The following BSN variants were observed in gnomAD, a reference collection of about 807,000 sequenced individuals.
BSN encodes the protein protein bassoon.
Under a neutral mutation model 264.8 loss-of-function variants are expected in BSN, and 57 were observed. The observed-to-expected ratio is 0.22, with a 90% CI of 0.17 to 0.27. The LOEUF (loss-of-function observed/expected upper bound fraction) is 0.27. Among genes scored for constraint, BSN ranks in the 10% least tolerant of loss-of-function variants. The pLI, the probability that BSN is intolerant of heterozygous loss-of-function variation, is 1.00. For synonymous variants in BSN, 2,059 were observed against 2,137.3 expected, an observed-to-expected ratio of 0.96 and a Z score of 1.01; for missense variants, 4,615 against 5,232.5, an observed-to-expected ratio of 0.88 and a Z score of 3.64.
intron 11 of BSN, among the ~76,000 whole-genome samples, chr3:49,665,824 G>A (rs2052709276): frequency 6.6e-6 from 1 of 152,262 alleles, no homozygotes; most frequent in African/African-American, 2.4e-5. Flanking sequence ...GAGGCAGACA[G>A]GAAGGGACAT....
intron 1 of BSN, among the ~76,000 whole-genome samples, chr3:49,605,416 T>A (rs1405873165): frequency 2.9e-5 from 1 of 34,476 alleles, no homozygotes; most frequent in Non-Finnish European, 4.8e-5. Context: ...AATTTATATT[T>A]TATATTTATA....
chr3:49,617,170 T>C (rs982221866), intron 1 of BSN, among the ~76,000 whole-genome samples: 2 of 152,028 alleles, frequency 1.3e-5, no homozygotes, highest in South Asian at 4.1e-4. Flanking sequence ...AAAACCTAGA[T>C]GACGGGTTAA....
chr3:49,649,994 G>C (rs1001857180), intron 3 of BSN, among the ~76,000 whole-genome samples: 1 of 152,216 alleles, frequency 6.6e-6, no homozygotes, highest in Admixed American at 6.5e-5. Context: ...ACTTGGGCTG[G>C]GGATTTGAGC....
Position 49,652,964 on chromosome 3 carries a change from T to A in BSN, c.3408T>A (p.Ala1136=). 6.2e-7 allele frequency: 1 copy of A among 1,612,432 alleles called. No homozygotes were observed. Among genetic ancestry groups the A allele is most frequent in the Non-Finnish European group, 8.5e-7 (1 of 1,179,278 alleles). Reference sequence around the variant, plus strand: ...CCTCACCCTCCCTTGACTCTGAGGCTGAGGCCTTGGATGGTGGCCCTAGCC... The same window carrying A: ...CCTCACCCTCCCTTGACTCTGAGGCAGAGGCCTTGGATGGTGGCCCTAGCC... The part of the protein sequence containing the change: ...YSPSPSLDSE[A]EALDGGPSRL... The change falls in exon 5 of 12, where the codon GCT becomes GCA. Residue 1136 remains alanine (A), a synonymous_variant. Transcript: ENST00000296452.
At position 49,634,049 on chromosome 3, in the gene BSN, CA is replaced by C. The variant is rs541708708; in HGVS notation, c.634-8210del. On this transcript the variant is annotated intron_variant, in intron 2 of 11. Transcript: ENST00000296452. Reference sequence around the variant, plus strand: ...GTGAAACCCCATCTCTACTAAAATACAAAAAAAAATTAGCGGGGTGTGTTGG... The same window carrying C: ...GTGAAACCCCATCTCTACTAAAATACAAAAAAAATTAGCGGGGTGTGTTGG... Among the ~76,000 whole-genome samples the C allele has an allele frequency of 2.9e-3, 439 of 151,024 alleles. 1 individual carries two copies. Among genetic ancestry groups the C allele is most frequent in the African/African-American group, 0.01 (417 of 41,252 alleles).
At chr3:49,556,456 G>A (rs1339378166) in intron 1 of BSN, among the ~76,000 whole-genome samples, 1 of 152,182 alleles carries the variant, frequency 6.6e-6, no homozygotes, top group Non-Finnish European at 1.5e-5. Flanking sequence ...GAACTGCTGT[G>A]GGTGAGGCGA....
chr3:49,655,779 C>G lies in BSN; in HGVS notation c.6223C>G (p.Pro2075Ala). Residue 2075 changes from proline to alanine, a missense_variant, in exon 5 of 12, where the codon CCA (proline) becomes GCA (alanine). Coordinates refer to ENST00000296452, the MANE Select transcript of BSN (RefSeq NM_003458.4). ...CATCTACTCAGACCACAGGTACGGCCCACGGGGAGATGCAGTTGGCTTCCA... is the reference window on the plus strand; with the variant it reads ...CATCTACTCAGACCACAGGTACGGCGCACGGGGAGATGCAGTTGGCTTCCA... ...SNIYSDHRYGPRGDAVGFQEA... is the reference protein window; with the variant it reads ...SNIYSDHRYGARGDAVGFQEA... 6.2e-7 allele frequency: 1 copy of G among 1,613,436 alleles called. No individual in the cohort carries two copies. Among genetic ancestry groups the G allele is most frequent in the Non-Finnish European group, 8.5e-7 (1 of 1,180,036 alleles).
chr3:49,612,800 C>G (rs1212680974), intron 1 of BSN, among the ~76,000 whole-genome samples: 2 of 152,168 alleles, frequency 1.3e-5, no homozygotes, highest in Non-Finnish European at 2.9e-5. Context: ...TGGAAGAAAA[C>G]TTTCCCCCTG....
At chr3:49,672,255 C>T (rs1050794644), downstream of BSN, among the ~76,000 whole-genome samples, 3 of 152,096 alleles carry the variant, frequency 2.0e-5, no homozygotes, top group African/African-American at 7.2e-5. Context: ...TGCTCAACCT[C>T]CAGAGAGATA....
chr3:49,645,113 C>T (rs2052495359), intron 3 of BSN, among the ~76,000 whole-genome samples: 1 of 152,162 alleles, frequency 6.6e-6, no homozygotes, highest in Non-Finnish European at 1.5e-5. Context: ...TTAGCCAGGA[C>T]CACTCTCATC....
rs762866675 is a variant in BSN, at chr3:49,656,398, A to G, written c.6842A>G (p.Tyr2281Cys). Residue 2281 changes from tyrosine (Y) to cysteine (C), a missense_variant, in exon 5 of 12, where the codon TAT becomes TGT. By Grantham distance (194) the Tyr-to-Cys change is radical. Around this residue, in one of 3 missense-constraint regions of BSN, gnomAD observed 3,415 missense variants for 3,866.4 expected, o/e 0.88. Coordinates refer to ENST00000296452, the MANE Select transcript of BSN (RefSeq NM_003458.4). Reference sequence around the variant, plus strand: ...GTTCCACCTGCAGAAGGGCCTGTCTATCTGGGGAAACCTGCTGCTGCCAAG... The same window carrying G: ...GTTCCACCTGCAGAAGGGCCTGTCTGTCTGGGGAAACCTGCTGCTGCCAAG... ...SSVPPAEGPV[Y>C]LGKPAAAKAP... is the part of the protein sequence containing the mutation. 5.7e-6 allele frequency: 9 copies of G among 1,591,272 alleles called. No individual in the cohort carries two copies. The East Asian group carries it at 2.0e-4, about 36-fold the overall frequency.
Position 49,657,091 on chromosome 3 carries a change from C to T in BSN, c.7535C>T (p.Ala2512Val), listed in dbSNP as rs2052610992. Reference sequence around the variant, plus strand: ...CCCCTTACACATGCAGCCTTCATTGCCATGGCAGGGCCTGAAGGACTTGGG... The same window carrying T: ...CCCCTTACACATGCAGCCTTCATTGTCATGGCAGGGCCTGAAGGACTTGGG... ...WPPLTHAAFI[A>V]MAGPEGLGQP... is the part of the protein sequence containing the mutation. The change falls in exon 5 of 12, where the codon GCC (alanine) becomes GTC (valine). Residue 2512 changes from alanine (A) to valine (V), a missense_variant. Physicochemically the swap from Ala to Val is moderately conservative, Grantham distance 64. Around this residue, in one of 3 missense-constraint regions of BSN, gnomAD observed 3,415 missense variants for 3,866.4 expected, o/e 0.88. Transcript: ENST00000296452. 2 of 1,609,564 alleles carry T rather than the reference C, an allele frequency of 1.2e-6. No homozygotes were observed. The highest frequency in any genetic ancestry group is 1.1e-5 in the South Asian group (1 of 90,838).
At chr3:49,574,467 C>T (rs1273539801) in intron 1 of BSN, among the ~76,000 whole-genome samples, 1 of 151,854 alleles carries the variant, frequency 6.6e-6, no homozygotes, top group Non-Finnish European at 1.5e-5. Flanking sequence ...GACCATGACA[C>T]CCCTGACCAC....
In BSN at chr3:49,654,430, G is replaced by A. The variant is rs764803208; in HGVS notation, c.4874G>A (p.Gly1625Glu). The change falls in exon 5 of 12, where the codon GGG becomes GAG. Residue 1625 changes from glycine (G) to glutamate (E), a missense_variant. By Grantham distance (98) the Gly-to-Glu change is moderately conservative (BLOSUM62 -2). Transcript: ENST00000296452. This position sits in a 1 kb window ranked among gnomAD's most constrained non-coding sequence, Gnocchi z 4.1. Reference sequence around the variant, plus strand: ...CGGGTGCCCAGTGCTGGTGCAGATGGGCCCCTGGCACTATATGGCTGGGGT... The same window carrying A: ...CGGGTGCCCAGTGCTGGTGCAGATGAGCCCCTGGCACTATATGGCTGGGGT... ...FPRVPSAGAD[G>E]PLALYGWGAL... 6.2e-7 allele frequency: 1 copy of A among 1,600,164 alleles called. No homozygotes were observed. Among genetic ancestry groups the A allele is most frequent in the Non-Finnish European group, 8.5e-7 (1 of 1,174,086 alleles).
chr3:49,584,165 G>C (rs1279912507), intron 1 of BSN, among the ~76,000 whole-genome samples: 1 of 152,110 alleles, frequency 6.6e-6, no homozygotes, highest in African/African-American at 2.4e-5. Flanking sequence ...GATTACAGAC[G>C]TGAGCCACCA....
intron 1 of BSN, among the ~76,000 whole-genome samples, chr3:49,583,001 C>T (rs898840068): frequency 7.2e-6 from 1 of 139,250 alleles, no homozygotes; most frequent in East Asian, 2.1e-4. Context: ...CAGGGTCTTG[C>T]TCTGTTCCCA....
intron 2 of BSN, chr3:49,640,594 G>C (rs1332533035): frequency 6.6e-6 from 1 of 152,216 alleles, no homozygotes; most frequent in Non-Finnish European, 1.5e-5. Flanking sequence ...CGCCTCCTGG[G>C]TTCAAGCAAT....
intron 1 of BSN, among the ~76,000 whole-genome samples, chr3:49,560,059 A>T (rs2051700767): frequency 6.6e-6 from 1 of 152,106 alleles, no homozygotes. Context: ...CTTTCAGAGG[A>T]AAGTTGTTTT....
At chr3:49,624,150 A>G (rs901182916) in intron 1 of BSN, among the ~76,000 whole-genome samples, 56 of 151,484 alleles carry the variant, frequency 3.7e-4, no homozygotes, top group African/African-American at 1.1e-3. Context: ...ACAGGCGCCC[A>G]CCACCACACC....
Sources: gnomAD v4.1 joint callset for allele counts (sites outside exome capture counted in the v4.1 genomes callset) on GRCh38, gnomAD v4.1.1 for gene constraint, gnomAD v4.1.1 regional missense constraint, Gnocchi (gnomAD v3.1) non-coding constraint, MANE v1.5 for transcripts, NCBI Gene and HGNC (gene_info 2026-07-23, HGNC 2026-07-21) for gene names.